Variants in ZNF732 observed in about 807,000 individuals in gnomAD.
ZNF732 encodes zinc finger protein LOC654254.
In ZNF732, 12 loss-of-function variants were observed where a neutral mutation model predicts 11.5. That is an observed-to-expected ratio of 1.05 (90% CI 0.67 to 1.70). The LOEUF (loss-of-function observed/expected upper bound fraction) is 1.70, where lower values mean the gene tolerates loss of function less well. Ranked by LOEUF, ZNF732 falls within the 40% of genes most tolerant of loss-of-function variation. The pLI is 0.00. For missense variants in ZNF732, 702 were observed against 676.9 expected, an observed-to-expected ratio of 1.04 and a Z score of -0.41; for synonymous variants, 231 against 236.5, an observed-to-expected ratio of 0.98 and a Z score of 0.21.
At chr4:296,223 C>A in intron 1 of ZNF732, 68 bp from the exon 2 acceptor site, 1 of 1,573,154 alleles carries the variant, frequency 6.4e-7, no homozygotes. Flanking sequence ...GTTAAGAGAA[C>A]TAGTTCTGAC....
At position 271,802 on chromosome 4, in the gene ZNF732, T is replaced by C. The variant is rs782607113; in HGVS notation, c.1055A>G (p.His352Arg). 2.0e-5 allele frequency: 32 copies of C among 1,612,910 alleles called. No individual in the cohort carries two copies. The highest frequency in any genetic ancestry group is 6.7e-5 in the East Asian group (3 of 44,854). ...AFSRSSVLNEHKRIHTGEKPY... is the reference protein window; with the variant it reads ...AFSRSSVLNERKRIHTGEKPY... Reference sequence around the variant, plus strand: ...CTTCTCTCCAGTATGAATTCTCTTATGTTCATTCAGAACTGAGGACCTACT... The same window carrying C: ...CTTCTCTCCAGTATGAATTCTCTTACGTTCATTCAGAACTGAGGACCTACT... Residue 352 changes from histidine (H) to arginine (R), a missense_variant, in exon 4 of 4, where the codon CAT becomes CGT. Transcript: ENST00000419098.
intron 3 of ZNF732, 134 bp downstream of exon 3, chr4:295,304 T>C: frequency 1.5e-6 from 1 of 650,278 alleles, no homozygotes; most frequent in East Asian, 2.8e-5. Flanking sequence ...TTCATGAATA[T>C]GAGAAAAAAA....
At chr4:273,451 C>T (rs1553838178) in intron 3 of ZNF732, among the ~76,000 whole-genome samples, 4 of 151,598 alleles carry the variant, frequency 2.6e-5, no homozygotes, top group East Asian at 1.9e-4. Context: ...CAGAAAACAA[C>T]CATAAAAACA....
intron 3 of ZNF732, among the ~76,000 whole-genome samples, chr4:276,953 TAGAC>T (rs1560157590): frequency 3.3e-5 from 5 of 151,708 alleles, no homozygotes; most frequent in African/African-American, 7.3e-5. Context: ...GATAATGACA[TAGAC>T]AGATCAAACT....
At chr4:300,359 A>C (rs1369763688) in intron 1 of ZNF732, among the ~76,000 whole-genome samples, 3 of 147,816 alleles carry the variant, frequency 2.0e-5, no homozygotes, top group Non-Finnish European at 4.5e-5. Context: ...GCTACTCAGG[A>C]GGCTGAGACA....
rs558576815 is a variant in ZNF732 at position 299,486 on chromosome 4, C to T, written c.4-3331G>A. Among the ~76,000 whole-genome samples the T allele has an allele frequency of 1.4e-3, 138 of 100,906 alleles. 9 individuals are homozygous for T. The highest frequency in any genetic ancestry group is 4.6e-3 in the African/African-American group (120 of 25,846). The allele number at this position is 100,906 out of a possible 152,430, so 66.2% of individuals were successfully genotyped here. ...GTATATATATATACACATATATACA[C>T]ATATGTGTGTATATATACACACATA... On this transcript the variant is annotated intron_variant, in intron 1 of 3. Transcript: ENST00000419098.
At chr4:294,961 A>C (rs1719913740) in intron 3 of ZNF732, among the ~76,000 whole-genome samples, 1 of 152,146 alleles carries the variant, frequency 6.6e-6, no homozygotes. Context: ...TATATTTGCA[A>C]CCTCTATAGG....
At chr4:293,005 T>C (rs764558781) in intron 3 of ZNF732, among the ~76,000 whole-genome samples, 8 of 135,260 alleles carry the variant, frequency 5.9e-5, no homozygotes, top group African/African-American at 8.5e-5. Flanking sequence ...GTGGCGGAGG[T>C]TGCAGTGAGC....
chr4:287,054 G>A (rs934119240), intron 3 of ZNF732, among the ~76,000 whole-genome samples: 18 of 152,212 alleles, frequency 1.2e-4, no homozygotes, highest in Middle Eastern at 3.4e-3. Context: ...AGGAGGCTGA[G>A]GCAGGAGAAT....
At position 296,147 on chromosome 4, in the gene ZNF732, T is replaced by TA; in HGVS notation, c.11dup (p.Leu4PhefsTer27). 1.2e-6 allele frequency: 2 copies of TA among 1,611,134 alleles called. No homozygotes were observed. The highest frequency in any genetic ancestry group is 1.1e-5 in the South Asian group (1 of 90,474). On this transcript the variant is annotated frameshift_variant, in exon 2 of 4. Transcript: ENST00000419098. LOFTEE classifies it high-confidence loss of function. ...ATTCTATGGCCACATCCCTGAATGT[T>TA]AAGAGTTCCTGAAAATATATATGTA...
chr4:293,687 C>A (rs1390474470), intron 3 of ZNF732, among the ~76,000 whole-genome samples: 1 of 151,806 alleles, frequency 6.6e-6, no homozygotes, highest in Non-Finnish European at 1.5e-5. Context: ...CAACAGTAGG[C>A]CTTAAGTGTT....
Position 272,622 on chromosome 4 carries a change from A to C in ZNF732, c.235T>G (p.Ser79Ala). 2.0e-6 allele frequency: 3 copies of C among 1,515,270 alleles called. No homozygotes were observed. The highest frequency in any genetic ancestry group is 1.4e-5 in the African/African-American group (1 of 71,702). The allele number at this position is 1,515,270 out of a possible 1,614,324, so 93.9% of individuals were successfully genotyped here. The change falls in exon 4 of 4, where the codon TCT becomes GCT. Residue 79 changes from serine (S) to alanine (A), a missense_variant. Transcript: ENST00000419098. The part of the protein sequence containing the change: ...ETVAKHPAVC[S>A]HFTQDFLPVQ... ...GGCAAAAAGTCTTGGGTGAAATGAG[A>C]ACACACAGCTGAAAGAAATAAAAAT...
intron 3 of ZNF732, 88 bp downstream of exon 3, chr4:295,350 A>T (rs61792114): frequency 0.17 from 178,051 of 1,065,974 alleles, 16,686 homozygotes; most frequent in South Asian, 0.32. Context: ...ACTGGAGCAG[A>T]GCTTCCCAAA....
In ZNF732 at chr4:299,457, ATG is replaced by A. The variant is rs1487495405; in HGVS notation, c.4-3304_4-3303del. Among the ~76,000 whole-genome samples the A allele has an allele frequency of 8.3e-4, 34 of 40,794 alleles. 5 individuals are homozygous for A. Among genetic ancestry groups the A allele is most frequent in the East Asian group, 4.0e-3 (5 of 1,256 alleles). The allele number at this position is 40,794 out of a possible 152,430, so 26.8% of individuals were successfully genotyped here. A position where few individuals can be genotyped will look rare whatever the true frequency, so the allele number is the denominator to read the frequency against. ...TGTGTATATATATATATATACACATATGTGTATATATATATACACATATATAC... is the reference window on the plus strand; with the variant it reads ...TGTGTATATATATATATATACACATATGTATATATATATACACATATATAC... On this transcript the variant is annotated intron_variant, in intron 1 of 3. Transcript: ENST00000419098.
intron 3 of ZNF732, among the ~76,000 whole-genome samples, chr4:283,432 T>C (rs1719656213): frequency 6.6e-6 from 1 of 151,646 alleles, no homozygotes; most frequent in Non-Finnish European, 1.5e-5. Flanking sequence ...AAAAAAAAAT[T>C]CCATGCCAGT....
At chr4:275,336 A>G (rs1467462455) in intron 3 of ZNF732, among the ~76,000 whole-genome samples, 2 of 151,752 alleles carry the variant, frequency 1.3e-5, no homozygotes, top group Non-Finnish European at 3.0e-5. Flanking sequence ...ACTGCTCAAT[A>G]TAATCTACAG....
chr4:293,997 T>A (rs773004478), intron 3 of ZNF732, among the ~76,000 whole-genome samples: 1 of 152,150 alleles, frequency 6.6e-6, no homozygotes, highest in Admixed American at 6.5e-5. Context: ...CTGGTAAAAT[T>A]AGTTTGGTTT....
At chr4:295,300 AAT>A (rs1719923423) in intron 3 of ZNF732, 136 bp downstream of exon 3, 4 of 636,372 alleles carry the variant, frequency 6.3e-6, no homozygotes, top group Admixed American at 3.0e-5. Flanking sequence ...CCTATTCATG[AAT>A]ATGAGAAAAA....
chr4:277,802 A>C (rs1719532378), intron 3 of ZNF732, among the ~76,000 whole-genome samples: 2 of 152,084 alleles, frequency 1.3e-5, no homozygotes, highest in Non-Finnish European at 2.9e-5. Flanking sequence ...AAAAAATTCA[A>C]ATTGCTGGAT....
Sources: allele counts gnomAD v4.1 joint callset (sites outside exome capture counted in the v4.1 genomes callset), GRCh38; gene constraint gnomAD v4.1.1; transcripts MANE v1.5; gene names NCBI Gene and HGNC (gene_info 2026-07-23, HGNC 2026-07-21).